TOP3B: variants seen among roughly 807,000 people sequenced by gnomAD.
The protein encoded by TOP3B is DNA topoisomerase 3-beta-1.
A neutral mutation model predicts 93.9 loss-of-function variants in TOP3B; 45 were observed. That is an observed-to-expected ratio of 0.48 (90% CI 0.38 to 0.61). The LOEUF is 0.61. Ranked by LOEUF, TOP3B falls within the 20% of genes least tolerant of loss-of-function variation. The pLI, the probability that TOP3B is intolerant of heterozygous loss-of-function variation, is 0.00. For missense variants in TOP3B, 750 were observed against 1,156.1 expected (o/e 0.65, Z 5.09); for synonymous variants, 357 against 472.6 (o/e 0.76, Z 3.17).
chr22:21,967,547 C>G, intron 8 of TOP3B, 56 bp downstream of exon 8: 1 of 1,444,070 alleles, frequency 6.9e-7, no homozygotes, highest in Non-Finnish European at 9.7e-7. Context: ...CGGGAGGCAT[C>G]CAAGGGCCAC....
intron 7 of TOP3B, 57 bp from the exon 8 acceptor site, chr22:21,967,773 A>G (rs564347663): frequency 7.3e-7 from 1 of 1,367,558 alleles, no homozygotes; most frequent in East Asian, 2.3e-5. Context: ...GGTGAGCCCA[A>G]CGCCAGGAAG....
At chr22:21,982,128 A>G (rs2145896581) in intron 1 of TOP3B, 1 of 152,350 alleles carries the variant, frequency 6.6e-6, no homozygotes, top group Middle Eastern at 3.4e-3. Flanking sequence ...CATCAAGCCC[A>G]AGTTAGGCTG....
chr22:21,970,115 G>A lies in TOP3B; in HGVS notation c.581+95C>T. ...CCCCTGTTGCTCATCCTGGCTCGAG[G>A]AGGCCTAGGGGCCCCGGAGGGGGAC... On this transcript the variant is annotated intron_variant, in intron 6 of 17. Coordinates refer to ENST00000357179, the MANE Select transcript of TOP3B (RefSeq NM_001282112.2). The surrounding 1 kb of genome is among the most constrained non-coding windows in gnomAD (Gnocchi z 4.4). The A allele has an allele frequency of 1.4e-6, 2 of 1,426,442 alleles. No homozygotes were observed. The highest frequency in any genetic ancestry group is 1.9e-6 in the Non-Finnish European group (2 of 1,051,478). The allele number at this position is 1,426,442 out of a possible 1,614,324, so 88.4% of individuals were successfully genotyped here.
At chr22:21,958,878 T>G in intron 16 of TOP3B, 185 bp from the exon 17 acceptor site, 1 of 1,122,800 alleles carries the variant, frequency 8.9e-7, no homozygotes, top group Non-Finnish European at 1.2e-6. Flanking sequence ...CTAAAATCTC[T>G]GTGTGTACAT....
intron 1 of TOP3B, among the ~76,000 whole-genome samples, chr22:21,979,941 CAAAA>C (rs57880095): frequency 4.3e-4 from 23 of 53,438 alleles, no homozygotes; most frequent in Non-Finnish European, 2.1e-4. Flanking sequence ...ACTCCATCTC[CAAAA>C]AAAAAAAAAA....
At chr22:21,975,293 G>A (rs2071816521) in intron 2 of TOP3B, 2 of 204,770 alleles carry the variant, frequency 9.8e-6, no homozygotes, top group African/African-American at 4.6e-5. Context: ...CTGGGGCATA[G>A]CCTCATCAGA....
chr22:21,980,015 T>G (rs901977335), intron 1 of TOP3B, among the ~76,000 whole-genome samples: 5 of 146,372 alleles, frequency 3.4e-5, no homozygotes, highest in African/African-American at 5.0e-5. Flanking sequence ...AAGGAAAGCA[T>G]CTGCTTGGTA....
rs904329433 is a variant in TOP3B at position 21,963,775 on chromosome 22, T to G, written c.1204+148A>C. ...TGTCCTGGTCCCATAGCAATGGAGC[T>G]CATCTTCCAGGTGGCCCCCCATCCC... On this transcript the variant is annotated intron_variant, in intron 11 of 17. Transcript: ENST00000357179. The surrounding 1 kb of genome is among the most constrained non-coding windows in gnomAD (Gnocchi z 4.8). 3 of 731,216 alleles carry G rather than the reference T, an allele frequency of 4.1e-6. No individual in the cohort carries two copies. Among genetic ancestry groups the G allele is most frequent in the Non-Finnish European group, 6.8e-6 (3 of 442,848 alleles). The allele number at this position is 731,216 out of a possible 1,614,324, so 45.3% of individuals were successfully genotyped here.
In TOP3B at chr22:21,957,276, C is replaced by T. The variant is rs372011048; in HGVS notation, c.2427G>A (p.Glu809=). The T allele has an allele frequency of 3.1e-4, 497 of 1,584,228 alleles. No homozygotes were observed. Among genetic ancestry groups the T allele is most frequent in the South Asian group, 2.1e-3 (188 of 87,652 alleles). ...AGGCCGCATGCTTCAGCTCCACCAG[C>T]TCCTGGAAGACGGGGTCACAAAAGA... is the stretch of plus-strand genomic sequence containing the variant. ...GCVFCDPVFQ[E]LVELKHAASC... The change falls in exon 18 of 18, where the codon GAG becomes GAA. Residue 809 remains glutamate (E), a synonymous_variant. Coordinates refer to ENST00000357179, the MANE Select transcript of TOP3B (RefSeq NM_001282112.2).
chr22:21,963,595 C>T lies in TOP3B; in HGVS notation c.1204+328G>A, dbSNP rs573705734. 5.7e-6 allele frequency: 2 copies of T among 347,854 alleles called. No individual in the cohort carries two copies. The allele number at this position is 347,854 out of a possible 1,614,324, so 21.5% of individuals were successfully genotyped here. On this transcript the variant is annotated intron_variant, in intron 11 of 17. Transcript: ENST00000357179. This position sits in a 1 kb window ranked among gnomAD's most constrained non-coding sequence, Gnocchi z 4.8. Reference sequence around the variant, plus strand: ...TCCTCATTTGCCTTCTCCTGGCACTCGGACCACTGGTACCACCTTAGGCCA... The same window carrying T: ...TCCTCATTTGCCTTCTCCTGGCACTTGGACCACTGGTACCACCTTAGGCCA...
chr22:21,963,860 T>A lies in TOP3B; in HGVS notation c.1204+63A>T. 6.4e-7 allele frequency: 1 copy of A among 1,562,608 alleles called. No individual in the cohort carries two copies. Among genetic ancestry groups the A allele is most frequent in the Non-Finnish European group, 8.8e-7 (1 of 1,138,744 alleles). On this transcript the variant is annotated intron_variant, in intron 11 of 17. Transcript: ENST00000357179. The surrounding 1 kb of genome is among the most constrained non-coding windows in gnomAD (Gnocchi z 4.8). ...CACATTGCCAACAGGGCCTGCAACC[T>A]TCACTGTCGCAGCTCGCCCTTCCCT...
At chr22:21,968,558 C>T (rs1378541830) in intron 7 of TOP3B, 61 bp downstream of exon 7, 23 of 1,596,510 alleles carry the variant, frequency 1.4e-5, no homozygotes, top group Non-Finnish European at 2.0e-5. Context: ...TGATGGAAGA[C>T]TCTCAGAATC....
rs376446617 is a variant in TOP3B at position 21,959,170 on chromosome 22, G to A, written c.1867C>T (p.Arg623Cys). 4.3e-6 allele frequency: 7 copies of A among 1,613,736 alleles called. No individual in the cohort carries two copies. Among genetic ancestry groups the A allele is most frequent in the South Asian group, 2.2e-5 (2 of 91,088 alleles). Residue 623 changes from arginine to cysteine, a missense_variant, in exon 16 of 18, where the codon CGC becomes TGC. Coordinates refer to ENST00000357179, the MANE Select transcript of TOP3B (RefSeq NM_001282112.2). Reference sequence around the variant, plus strand: ...ATGAAGCGGTGGCACTTCCCACAGCGTGAGAGGGGCTTGCCTGTGGCCGCC... The same window carrying A: ...ATGAAGCGGTGGCACTTCCCACAGCATGAGAGGGGCTTGCCTGTGGCCGCC... ...PLAATGKPLSRCGKCHRFMKY... is the reference protein window; with the variant it reads ...PLAATGKPLSCCGKCHRFMKY...
rs957118400 is a variant in TOP3B at position 21,974,619 on chromosome 22, C to T, written c.71-131G>A. 7.5e-5 allele frequency: 78 copies of T among 1,045,012 alleles called. 1 individual carries two copies. In the South Asian group the frequency reaches 7.6e-4, roughly 10 times the overall value. 64.7% of individuals were successfully genotyped at this position (1,045,012 alleles called of 1,614,324 possible). A position where few individuals can be genotyped will look rare whatever the true frequency, so the allele number is the denominator to read the frequency against. ...CCCAGAGTGGTGAGTGACGACATTC[C>T]GCAGACTGGTGCGGGTAGTTGGGCA... is the stretch of plus-strand genomic sequence containing the variant. On this transcript the variant is annotated intron_variant, in intron 2 of 17. Coordinates refer to ENST00000357179, the MANE Select transcript of TOP3B (RefSeq NM_001282112.2).
At chr22:21,981,109 C>A (rs1334045282) in intron 1 of TOP3B, among the ~76,000 whole-genome samples, 1 of 152,316 alleles carries the variant, frequency 6.6e-6, no homozygotes, top group East Asian at 1.9e-4. Flanking sequence ...CCATCTCTTC[C>A]AAAGTAGGAA....
At chr22:21,966,246 C>T (rs766048341) in intron 8 of TOP3B, 58 of 152,074 alleles carry the variant, frequency 3.8e-4, no homozygotes, top group African/African-American at 1.3e-3. Flanking sequence ...CCTGTGTTGT[C>T]CAGGCTGGTC....
chr22:21,960,734 G>A, intron 13 of TOP3B: 1 of 428,034 alleles, frequency 2.3e-6, no homozygotes, highest in Non-Finnish European at 4.3e-6. Flanking sequence ...ACTCTCCAAG[G>A]TCACAGTGCT....
At chr22:21,967,519 C>T in intron 8 of TOP3B, 84 bp downstream of exon 8, 1 of 1,034,920 alleles carries the variant, frequency 9.7e-7, no homozygotes, top group East Asian at 2.4e-5. Flanking sequence ...GGACTAGGAT[C>T]ACAGGCTGTT....
chr22:21,968,224 A>G (rs1601838789), intron 7 of TOP3B: 1 of 237,156 alleles, frequency 4.2e-6, no homozygotes, highest in East Asian at 9.9e-5. Flanking sequence ...CACTGTGCCT[A>G]GCTGTATTAA....
Sources: allele counts gnomAD v4.1 joint callset (sites outside exome capture counted in the v4.1 genomes callset), GRCh38; gene constraint gnomAD v4.1.1; non-coding constraint Gnocchi (gnomAD v3.1); transcripts MANE v1.5; gene names NCBI Gene and HGNC (gene_info 2026-07-23, HGNC 2026-07-21).